Variants in PCLO observed in about 807,000 individuals in gnomAD.
PCLO encodes the protein protein piccolo.
Under a neutral mutation model 427.5 loss-of-function variants are expected in PCLO, and 82 were observed. That is an observed-to-expected ratio of 0.19 (90% confidence interval 0.16 to 0.23). PCLO has a LOEUF of 0.23. PCLO is among the 10% of genes least tolerant of loss of function. The probability of loss-of-function intolerance (pLI) is 1.00; values close to 1 mark genes in which losing one functional copy is unlikely to be tolerated. For synonymous variants in PCLO, 2,357 were observed against 2,155.4 expected, an observed-to-expected ratio of 1.09 and a Z score of -2.59; for missense variants, 6,239 against 6,115.9, an observed-to-expected ratio of 1.02 and a Z score of -0.67.
At chr7:83,045,972 C>T (rs1443977629) in intron 3 of PCLO, among the ~76,000 whole-genome samples, 1 of 152,008 alleles carries the variant, frequency 6.6e-6, no homozygotes, top group Non-Finnish European at 1.5e-5. Context: ...GTTGGAAGTC[C>T]GAGACCAATA....
At chr7:83,152,244 A>G (rs368128497) in intron 2 of PCLO, among the ~76,000 whole-genome samples, 85 of 152,034 alleles carry the variant, frequency 5.6e-4, no homozygotes, top group East Asian at 1.6e-3. Flanking sequence ...GATTACAGGC[A>G]TGAGCCACCA....
At chr7:83,031,152 T>C (rs564476527) in intron 3 of PCLO, among the ~76,000 whole-genome samples, 4 of 152,176 alleles carry the variant, frequency 2.6e-5, no homozygotes, top group Non-Finnish European at 5.9e-5. Flanking sequence ...AGCAGATCTA[T>C]TGTGAGCAAA....
At chr7:83,045,849 A>C (rs1789092288) in intron 3 of PCLO, among the ~76,000 whole-genome samples, 1 of 152,208 alleles carries the variant, frequency 6.6e-6, no homozygotes, top group East Asian at 1.9e-4. Context: ...CCAAGATATT[A>C]ATGTTACAAC....
Position 83,154,768 on chromosome 7 carries a change from G to C in PCLO, c.1873C>G (p.Pro625Ala). ...CTTACCTCCGTTAAATGAGGATTGG[G>C]ATTAAAACCACAGAGACTACAGACA... The part of the protein sequence containing the change: ...TTVCSLCGFN[P>A]NPHLTEVKEW... Residue 625 changes from proline to alanine, a missense_variant, in exon 2 of 25, where the codon CCC becomes GCC. Physicochemically the swap from Pro to Ala is conservative, Grantham distance 27. Around this residue, in one of 5 missense-constraint regions of PCLO, gnomAD observed 4,677 missense variants for 4,468.4 expected, o/e 1.05. Coordinates refer to ENST00000333891, the MANE Select transcript of PCLO (RefSeq NM_033026.6). 2 of 1,613,702 alleles carry C rather than the reference G, an allele frequency of 1.2e-6. No homozygotes were observed. Among genetic ancestry groups the C allele is most frequent in the South Asian group, 2.2e-5 (2 of 91,072 alleles).
At chr7:82,854,974 A>G (rs1374191701) in intron 10 of PCLO, among the ~76,000 whole-genome samples, 3 of 152,166 alleles carry the variant, frequency 2.0e-5, no homozygotes, top group African/African-American at 7.2e-5. Flanking sequence ...ACCAAAGACT[A>G]CAGTTGAATG....
intron 10 of PCLO, among the ~76,000 whole-genome samples, chr7:82,853,642 A>G (rs551747283): frequency 6.6e-6 from 1 of 152,296 alleles, no homozygotes; most frequent in East Asian, 1.9e-4. Flanking sequence ...AATACACACT[A>G]TTTTTATATA....
intron 9 of PCLO, among the ~76,000 whole-genome samples, chr7:82,899,884 T>G (rs1793998685): frequency 6.6e-6 from 1 of 151,568 alleles, no homozygotes; most frequent in Admixed American, 6.6e-5. Context: ...ACAGGCACAT[T>G]GGCATAGATT....
chr7:83,082,702 C>T (rs2116403688), intron 3 of PCLO, among the ~76,000 whole-genome samples: 1 of 151,808 alleles, frequency 6.6e-6, no homozygotes, highest in East Asian at 1.9e-4. Flanking sequence ...ACCCTAATTA[C>T]TCCGATTTGA....
intron 6 of PCLO, among the ~76,000 whole-genome samples, chr7:82,946,680 G>T (rs79559424): frequency 0.013 from 1,998 of 152,210 alleles, 18 homozygotes; most frequent in Middle Eastern, 0.061. Flanking sequence ...GTGAGGAGGG[G>T]AGAAAGTCTG....
intron 22 of PCLO, among the ~76,000 whole-genome samples, chr7:82,798,785 C>A (rs1791281526): frequency 6.6e-6 from 1 of 152,130 alleles, no homozygotes; most frequent in Non-Finnish European, 1.5e-5. Flanking sequence ...AATAGCAACT[C>A]AGTGAAAAAC....
intron 22 of PCLO, among the ~76,000 whole-genome samples, chr7:82,798,605 C>A (rs1342719750): frequency 6.6e-6 from 1 of 152,146 alleles, no homozygotes; most frequent in African/African-American, 2.4e-5. Flanking sequence ...TAATCATTTT[C>A]TCCTCACTCT....
Position 82,915,849 on chromosome 7 carries a change from T to C in PCLO, c.12137A>G (p.Tyr4046Cys), listed in dbSNP as rs1794444051. The change falls in exon 7 of 25, where the codon TAT becomes TGT. Residue 4046 changes from tyrosine (Y) to cysteine (C), a missense_variant. Around this residue, in one of 5 missense-constraint regions of PCLO, gnomAD observed 680 missense variants for 677.3 expected, o/e 1.00. Coordinates refer to ENST00000333891, the MANE Select transcript of PCLO (RefSeq NM_033026.6). ...ADIDHHTPRN[Y>C]VLIDDIGEIT... ...CTCTCCAATGTCGTCAATTAGGACA[T>C]AATTTCGTGGAGTATGGTGATCAAT... The C allele has an allele frequency of 6.2e-7, 1 of 1,613,574 alleles. No homozygotes were observed. Among genetic ancestry groups the C allele is most frequent in the Non-Finnish European group, 8.5e-7 (1 of 1,179,746 alleles).
chr7:82,965,520 G>T (rs1041017116), intron 4 of PCLO, among the ~76,000 whole-genome samples: 14 of 151,896 alleles, frequency 9.2e-5, no homozygotes, highest in Non-Finnish European at 2.1e-4. Flanking sequence ...ATATGATTTT[G>T]ATAGATTATT....
At chr7:83,059,357 A>AAATATATATAT (rs1332566491) in intron 3 of PCLO, among the ~76,000 whole-genome samples, 1 of 111,816 alleles carries the variant, frequency 8.9e-6, no homozygotes, top group Non-Finnish European at 1.7e-5. Flanking sequence ...ACACCTTTAA[A>AAATATATATAT]ATATATATAT....
intron 3 of PCLO, among the ~76,000 whole-genome samples, chr7:83,006,955 A>ATTTT (rs1469553687): frequency 6.6e-6 from 1 of 151,418 alleles, no homozygotes; most frequent in Non-Finnish European, 1.5e-5. Flanking sequence ...GCCACATTAT[A>ATTTT]GCATGCTATA....
intron 10 of PCLO, among the ~76,000 whole-genome samples, chr7:82,875,205 T>G (rs1384922818): frequency 6.6e-6 from 1 of 152,140 alleles, no homozygotes; most frequent in East Asian, 1.9e-4. Flanking sequence ...AGGAAATCAT[T>G]GTAGATTGAT....
At chr7:83,160,171 A>G (rs986364623) in intron 1 of PCLO, among the ~76,000 whole-genome samples, 1 of 152,138 alleles carries the variant, frequency 6.6e-6, no homozygotes, top group South Asian at 2.1e-4. Context: ...TTGATCCTCA[A>G]TGGACTAAGA....
intron 3 of PCLO, among the ~76,000 whole-genome samples, chr7:83,006,795 T>C (rs2115961044): frequency 6.6e-6 from 1 of 151,474 alleles, no homozygotes; most frequent in South Asian, 2.1e-4. Flanking sequence ...ACCCCTTCCT[T>C]GTTTTTATTA....
At chr7:82,879,750 GTA>G in intron 9 of PCLO, 1 of 435,356 alleles carries the variant, frequency 2.3e-6, no homozygotes, top group Non-Finnish European at 4.3e-6. Flanking sequence ...TTTTGACTAG[GTA>G]TTTTGTAAAA....
Sources: gnomAD v4.1 joint callset for allele counts (sites outside exome capture counted in the v4.1 genomes callset) on GRCh38, gnomAD v4.1.1 for gene constraint, gnomAD v4.1.1 regional missense constraint, MANE v1.5 for transcripts, NCBI Gene and HGNC (gene_info 2026-07-23, HGNC 2026-07-21) for gene names.